The following MARCHF1 variants were observed in gnomAD, a reference collection of about 807,000 sequenced individuals.
MARCHF1 encodes the protein membrane associated ring-CH-type finger 1, also known as E3 ubiquitin-protein ligase MARCHF1.
Under a neutral mutation model 54.2 loss-of-function variants are expected in MARCHF1, and 40 were observed. That is an observed-to-expected ratio of 0.74 (90% CI 0.57 to 0.96). The LOEUF (loss-of-function observed/expected upper bound fraction) is 0.96, where lower values mean the gene tolerates loss of function less well. Among genes scored for constraint, MARCHF1 ranks in the 40% least tolerant of loss-of-function variants. The pLI is 0.00. For synonymous variants in MARCHF1, 236 were observed against 236.3 expected, an observed-to-expected ratio of 1.00 and a Z score of 0.01; for missense variants, 586 against 656.5, an observed-to-expected ratio of 0.89 and a Z score of 1.17.
At chr4:163,837,166 G>A (rs1185783771) in intron 4 of MARCHF1, among the ~76,000 whole-genome samples, 2 of 152,132 alleles carry the variant, frequency 1.3e-5, no homozygotes, top group Non-Finnish European at 2.9e-5. Flanking sequence ...GAAGCAATAT[G>A]TGTCAGAAGG....
chr4:163,594,554 C>A (rs997650688), intron 7 of MARCHF1, among the ~76,000 whole-genome samples: 1 of 149,968 alleles, frequency 6.7e-6, no homozygotes, highest in Admixed American at 6.7e-5. Context: ...TGAGTAGGAA[C>A]CCACTACATA....
At chr4:163,996,509 TG>T (rs959972100) in intron 2 of MARCHF1, among the ~76,000 whole-genome samples, 1 of 152,084 alleles carries the variant, frequency 6.6e-6, no homozygotes, top group Non-Finnish European at 1.5e-5. Flanking sequence ...TTTGTGTTCT[TG>T]GAAGAATAAA....
chr4:164,055,443 CAA>C (rs55924377), intron 2 of MARCHF1, among the ~76,000 whole-genome samples: 86,315 of 138,782 alleles, frequency 0.62, 27,731 homozygotes, highest in Non-Finnish European at 0.75. Flanking sequence ...CACCCTGTCT[CAA>C]AAAAAAAAAA....
chr4:163,778,891 G>C (rs1302733419), intron 4 of MARCHF1, among the ~76,000 whole-genome samples: 1 of 152,082 alleles, frequency 6.6e-6, no homozygotes, highest in Non-Finnish European at 1.5e-5. Context: ...GAGAGATTAT[G>C]TAACGGGTAC....
intron 5 of MARCHF1, among the ~76,000 whole-genome samples, chr4:163,654,964 C>T (rs1035783434): frequency 6.6e-6 from 1 of 151,456 alleles, no homozygotes; most frequent in African/African-American, 2.4e-5. Flanking sequence ...TTCTTTGCCT[C>T]TTTTCTCTTT....
intron 7 of MARCHF1, among the ~76,000 whole-genome samples, chr4:163,596,240 C>T (rs115809098): frequency 1.3e-3 from 203 of 152,152 alleles, no homozygotes; most frequent in African/African-American, 4.4e-3. Context: ...GGAGGATAGA[C>T]GCTCAAGAGT....
In MARCHF1 at chr4:164,034,634, G is replaced by A. The variant is rs929237675; in HGVS notation, c.-247-45925C>T. On this transcript the variant is annotated intron_variant, in intron 2 of 9. Transcript: ENST00000514618. ...TATACATACATACATATGTGTGTGT[G>A]TATATATATATATAATGATTACCTG... Among the ~76,000 whole-genome samples, 8 of 150,694 alleles carry A rather than the reference G, an allele frequency of 5.3e-5. No homozygotes were observed. The South Asian group carries it at 6.3e-4, about 12-fold the overall frequency.
chr4:164,381,021 T>C (rs868408685), intron 1 of MARCHF1, among the ~76,000 whole-genome samples: 19 of 152,180 alleles, frequency 1.2e-4, no homozygotes, highest in African/African-American at 4.3e-4. Flanking sequence ...ACTGGAACAA[T>C]GAAAGCAAGA....
chr4:163,565,430 C>T (rs1214689918), intron 8 of MARCHF1, among the ~76,000 whole-genome samples: 2 of 152,174 alleles, frequency 1.3e-5, no homozygotes, highest in Non-Finnish European at 2.9e-5. Flanking sequence ...GTTGCCTTGA[C>T]AACGTGGGTT....
chr4:164,298,222 G>A (rs1239769862), intron 1 of MARCHF1, among the ~76,000 whole-genome samples: 1 of 152,086 alleles, frequency 6.6e-6, no homozygotes, highest in Non-Finnish European at 1.5e-5. Context: ...AAATTCAAAT[G>A]TGGAACAAGT....
At chr4:164,056,596 C>T (rs1261844177) in intron 2 of MARCHF1, among the ~76,000 whole-genome samples, 1 of 152,110 alleles carries the variant, frequency 6.6e-6, no homozygotes, top group Admixed American at 6.5e-5. Flanking sequence ...TTATCCATTT[C>T]CGACTTGTTC....
intron 3 of MARCHF1, among the ~76,000 whole-genome samples, chr4:163,950,474 G>C (rs1408439625): frequency 1.3e-5 from 2 of 152,224 alleles, no homozygotes; most frequent in African/African-American, 4.8e-5. Context: ...GCCTGCAGCA[G>C]GGGGCGGCGG....
At chr4:163,578,458 T>C (rs1362786023) in intron 8 of MARCHF1, among the ~76,000 whole-genome samples, 2 of 152,168 alleles carry the variant, frequency 1.3e-5, no homozygotes, top group East Asian at 3.8e-4. Context: ...AGCAGTTGTT[T>C]ATTTAAAGCT....
chr4:163,755,524 C>T (rs546212087), intron 4 of MARCHF1, among the ~76,000 whole-genome samples: 110 of 152,172 alleles, frequency 7.2e-4, no homozygotes, highest in South Asian at 1.5e-3. Flanking sequence ...CAAACTTAAC[C>T]CCAGCAGTGA....
chr4:163,760,010 C>T (rs1345658825), intron 4 of MARCHF1, among the ~76,000 whole-genome samples: 1 of 152,182 alleles, frequency 6.6e-6, no homozygotes, highest in Non-Finnish European at 1.5e-5. Context: ...GCTTATTATC[C>T]TACAGTTCTG....
chr4:164,093,097 A>G (rs1357207455), intron 2 of MARCHF1, among the ~76,000 whole-genome samples: 1 of 152,186 alleles, frequency 6.6e-6, no homozygotes, highest in Non-Finnish European at 1.5e-5. Flanking sequence ...GGCCATTAGC[A>G]GTAGATTTAT....
At chr4:164,127,362 C>T (rs1288443732) in intron 1 of MARCHF1, among the ~76,000 whole-genome samples, 1 of 152,128 alleles carries the variant, frequency 6.6e-6, no homozygotes, top group Non-Finnish European at 1.5e-5. Flanking sequence ...TTAGAAAATG[C>T]TCAGCCTGTC....
chr4:163,963,087 T>C lies in MARCHF1; in HGVS notation c.-39+25414A>G, dbSNP rs573264899. On this transcript the variant is annotated intron_variant, in intron 3 of 9. Coordinates refer to ENST00000514618, the MANE Select transcript of MARCHF1 (RefSeq NM_001394959.1). ...ATCATATGCTCTTAAGGAATAATGG[T>C]TTTAATACAATCAACCTTCCAAAAA... is the stretch of plus-strand genomic sequence containing the variant. 7.9e-5 allele frequency among the ~76,000 whole-genome samples: 12 copies of C among 151,976 alleles called. 1 individual carries two copies. The South Asian group carries it at 2.3e-3, about 29-fold the overall frequency.
chr4:164,088,497 G>A (rs537355719), intron 2 of MARCHF1, among the ~76,000 whole-genome samples: 1 of 152,176 alleles, frequency 6.6e-6, no homozygotes, highest in Non-Finnish European at 1.5e-5. Flanking sequence ...TAGTGCTTTG[G>A]GAGGCCAAGA....
Sources: allele counts gnomAD v4.1 joint callset (sites outside exome capture counted in the v4.1 genomes callset), GRCh38; gene constraint gnomAD v4.1.1; transcripts MANE v1.5; gene names NCBI Gene and HGNC (gene_info 2026-07-23, HGNC 2026-07-21).